Variants in TNFSF4 observed in about 807,000 individuals in gnomAD.
TNFSF4 encodes the protein TNF superfamily member 4.
In TNFSF4, 4 loss-of-function variants were observed where a neutral mutation model predicts 7.3. The observed-to-expected ratio is 0.55, with a 90% confidence interval of 0.27 to 1.25. The LOEUF (loss-of-function observed/expected upper bound fraction) is 1.25, where lower values mean the gene tolerates loss of function less well. Among genes scored for constraint, TNFSF4 ranks in the 50% most tolerant of loss-of-function variants. The pLI is 0.12. For synonymous variants in TNFSF4, 76 were observed against 83.7 expected (o/e 0.91, Z 0.50); for missense variants, 181 against 208.8 (o/e 0.87, Z 0.82).
the TNFSF4 span, among the ~76,000 whole-genome samples, chr1:173,325,953 ACCAT>A: frequency 1.3e-5 from 2 of 152,252 alleles, no homozygotes; most frequent in East Asian, 3.8e-4. Flanking sequence ...AGGAGCTGGT[ACCAT>A]TCCTTCTAAA....
At chr1:173,427,832 C>T in the TNFSF4 span, among the ~76,000 whole-genome samples, 37,542 of 151,920 alleles carry the variant, frequency 0.25, 5,570 homozygotes, top group Non-Finnish European at 0.32. Flanking sequence ...AAACTGTAGG[C>T]GACTGTAACA....
chr1:173,385,991 A>G, the TNFSF4 span, among the ~76,000 whole-genome samples: 1 of 152,244 alleles, frequency 6.6e-6, no homozygotes, highest in Non-Finnish European at 1.5e-5. Flanking sequence ...TAAGGATATT[A>G]GTATGGGTGG....
the TNFSF4 span, among the ~76,000 whole-genome samples, chr1:173,225,927 G>A: frequency 6.6e-6 from 1 of 152,098 alleles, no homozygotes; most frequent in African/African-American, 2.4e-5. Context: ...CATCCTACTA[G>A]AAAATATAAA....
At chr1:173,410,197 C>CA in the TNFSF4 span, among the ~76,000 whole-genome samples, 1 of 152,050 alleles carries the variant, frequency 6.6e-6, no homozygotes, top group Non-Finnish European at 1.5e-5. Context: ...GCCTGGGTGA[C>CA]AGAGTGTGAC....
At chr1:173,294,217 CAGTAG>C in the TNFSF4 span, among the ~76,000 whole-genome samples, 1 of 151,968 alleles carries the variant, frequency 6.6e-6, no homozygotes, top group Non-Finnish European at 1.5e-5. Flanking sequence ...TGCCCATCAA[CAGTAG>C]ACTAGATAAA....
the TNFSF4 span, among the ~76,000 whole-genome samples, chr1:173,419,311 C>T: frequency 6.7e-6 from 1 of 150,326 alleles, no homozygotes; most frequent in African/African-American, 2.5e-5. Flanking sequence ...CACTGCACTC[C>T]AGCCTGGGTG....
At chr1:173,401,904 T>C in the TNFSF4 span, among the ~76,000 whole-genome samples, 2 of 152,224 alleles carry the variant, frequency 1.3e-5, no homozygotes, top group Admixed American at 1.3e-4. Context: ...ATATGGGCAA[T>C]GGTTTGTCAG....
the TNFSF4 span, among the ~76,000 whole-genome samples, chr1:173,238,114 A>C: frequency 6.6e-6 from 1 of 152,180 alleles, no homozygotes; most frequent in African/African-American, 2.4e-5. Flanking sequence ...CACACCTACA[A>C]CCATCTGATC....
intron 1 of TNFSF4, among the ~76,000 whole-genome samples, chr1:173,196,721 T>C (rs986321105): frequency 1.3e-5 from 2 of 152,254 alleles, no homozygotes; most frequent in Non-Finnish European, 2.9e-5. Flanking sequence ...ATCTATGTGA[T>C]TGACCTAATG....
chr1:173,331,029 C>T, the TNFSF4 span, among the ~76,000 whole-genome samples: 13 of 151,834 alleles, frequency 8.6e-5, no homozygotes, highest in African/African-American at 2.4e-4. Flanking sequence ...GGATTACAGG[C>T]GCCCACCACC....
chr1:173,368,204 T>A, the TNFSF4 span, among the ~76,000 whole-genome samples: 1 of 152,008 alleles, frequency 6.6e-6, no homozygotes, highest in East Asian at 1.9e-4. Context: ...GCAGCAGCAA[T>A]CCACTCAGGT....
the TNFSF4 span, among the ~76,000 whole-genome samples, chr1:173,450,003 T>G: frequency 6.6e-6 from 1 of 152,168 alleles, no homozygotes; most frequent in East Asian, 1.9e-4. Context: ...GTTGATTATT[T>G]TAAAAGTTCA....
the TNFSF4 span, among the ~76,000 whole-genome samples, chr1:173,250,502 C>T: frequency 1.3e-5 from 2 of 150,972 alleles, no homozygotes; most frequent in African/African-American, 4.9e-5. Context: ...CTCTGTCACC[C>T]GGGCTGGAGT....
At chr1:173,249,517 T>G in the TNFSF4 span, among the ~76,000 whole-genome samples, 1 of 152,232 alleles carries the variant, frequency 6.6e-6, no homozygotes, top group Non-Finnish European at 1.5e-5. Context: ...GTGATGTCAT[T>G]CTTTTAGCAG....
chr1:173,442,601 G>A, the TNFSF4 span, among the ~76,000 whole-genome samples: 1 of 141,292 alleles, frequency 7.1e-6, no homozygotes, highest in African/African-American at 2.6e-5. Context: ...CCAGGCTGGA[G>A]TGCAGTGATG....
chr1:173,433,977 G>A, the TNFSF4 span, among the ~76,000 whole-genome samples: 2 of 152,330 alleles, frequency 1.3e-5, no homozygotes, highest in Non-Finnish European at 2.9e-5. Context: ...AGAATGCCAA[G>A]TGAAGATGAG....
chr1:173,307,869 C>G, the TNFSF4 span, among the ~76,000 whole-genome samples: 1 of 151,712 alleles, frequency 6.6e-6, no homozygotes, highest in Non-Finnish European at 1.5e-5. Context: ...TGAATTATTT[C>G]AAAATAAAAG....
At chr1:173,250,464 T>TG in the TNFSF4 span, among the ~76,000 whole-genome samples, 2 of 116,756 alleles carry the variant, frequency 1.7e-5, no homozygotes, top group African/African-American at 3.0e-5. Flanking sequence ...TGTTTTTTTG[T>TG]TTTTTTTTTT....
At chr1:173,215,174 G>A in the TNFSF4 span, among the ~76,000 whole-genome samples, 1 of 152,170 alleles carries the variant, frequency 6.6e-6, no homozygotes, top group Non-Finnish European at 1.5e-5. Flanking sequence ...TGAGGACACA[G>A]CAAGAAGGTG....
Sources: allele counts gnomAD v4.1 joint callset (sites outside exome capture counted in the v4.1 genomes callset), GRCh38; gene constraint gnomAD v4.1.1; transcripts MANE v1.5; gene names NCBI Gene and HGNC (gene_info 2026-07-23, HGNC 2026-07-21).